Variants in SCN10A observed in about 807,000 individuals in gnomAD.
The protein encoded by SCN10A is sodium voltage-gated channel alpha subunit 10.
SCN10A carries 162 observed loss-of-function variants against 170.7 expected under a neutral mutation model. The ratio of observed to expected loss-of-function variants is 0.95; its 90% confidence interval spans 0.84 to 1.08. The LOEUF is 1.08. Ranked by LOEUF, SCN10A falls within the 50% of genes least tolerant of loss-of-function variation. The probability of loss-of-function intolerance (pLI) is 0.00; values close to 1 mark genes in which losing one functional copy is unlikely to be tolerated. For synonymous variants in SCN10A, 985 were observed against 904.6 expected, an observed-to-expected ratio of 1.09 and a Z score of -1.59; for missense variants, 2,527 against 2,436.9, an observed-to-expected ratio of 1.04 and a Z score of -0.78.
chr3:38,714,196 C>T, intron 21 of SCN10A, 116 bp from the exon 22 acceptor site: 1 of 1,239,402 alleles, frequency 8.1e-7, no homozygotes. Context: ...AGCCATCATC[C>T]TAGCTCCCAC....
chr3:38,813,611 TG>T (rs1559474524), intron 1 of SCN10A, among the ~76,000 whole-genome samples: 1 of 152,190 alleles, frequency 6.6e-6, no homozygotes, highest in Admixed American at 6.5e-5. Context: ...TCTTAGCCAC[TG>T]TACTCTATAA....
At chr3:38,768,129 C>T (rs1170095588) in intron 5 of SCN10A, among the ~76,000 whole-genome samples, 2 of 151,692 alleles carry the variant, frequency 1.3e-5, no homozygotes, top group African/African-American at 2.4e-5. Context: ...TTATGTGGCT[C>T]CTTATGTGTT....
chr3:38,719,463 G>A (rs1292705298), intron 20 of SCN10A, among the ~76,000 whole-genome samples: 2 of 135,278 alleles, frequency 1.5e-5, no homozygotes, highest in African/African-American at 2.8e-5. Context: ...GCGGGATCTC[G>A]GCTCACTGCA....
At chr3:38,748,470 G>A (rs2063715095) in intron 13 of SCN10A, among the ~76,000 whole-genome samples, 1 of 152,172 alleles carries the variant, frequency 6.6e-6, no homozygotes, top group Non-Finnish European at 1.5e-5. Flanking sequence ...TTAAGTCAAT[G>A]TTGGGTACTA....
At chr3:38,804,823 A>G (rs2064395527) in intron 1 of SCN10A, among the ~76,000 whole-genome samples, 1 of 152,170 alleles carries the variant, frequency 6.6e-6, no homozygotes, top group South Asian at 2.1e-4. Flanking sequence ...GGCTGAAACC[A>G]GGAGGGTTGT....
At chr3:38,770,588 T>C (rs2063987047) in intron 5 of SCN10A, among the ~76,000 whole-genome samples, 2 of 152,112 alleles carry the variant, frequency 1.3e-5, no homozygotes, top group Non-Finnish European at 2.9e-5. Context: ...GAGGCTGGTC[T>C]TGCTCCTGCA....
chr3:38,792,294 TC>T (rs960307473), intron 2 of SCN10A, 126 bp from the exon 3 acceptor site: 20 of 1,168,902 alleles, frequency 1.7e-5, no homozygotes, highest in Non-Finnish European at 2.2e-5. Flanking sequence ...GAACTACAGG[TC>T]AATGAGAGTC....
chr3:38,796,024 A>T (rs2064339886), intron 1 of SCN10A, among the ~76,000 whole-genome samples: 2 of 152,148 alleles, frequency 1.3e-5, no homozygotes, highest in African/African-American at 4.8e-5. Context: ...TCTCATTTAT[A>T]TGCAGATGAC....
chr3:38,701,733 A>G, intron 27 of SCN10A, 106 bp downstream of exon 27: 2 of 1,072,848 alleles, frequency 1.9e-6, no homozygotes, highest in South Asian at 3.2e-5. Context: ...TCTAACATAA[A>G]CACGTATTTC....
At chr3:38,809,181 G>A (rs1368853601) in intron 1 of SCN10A, among the ~76,000 whole-genome samples, 1 of 152,218 alleles carries the variant, frequency 6.6e-6, no homozygotes, top group Non-Finnish European at 1.5e-5. Context: ...TCAGGACTGG[G>A]TTGGATCACA....
intron 4 of SCN10A, among the ~76,000 whole-genome samples, chr3:38,784,049 G>A (rs2064169628): frequency 6.6e-6 from 1 of 152,040 alleles, no homozygotes; most frequent in African/African-American, 2.4e-5. Flanking sequence ...ACAAGTGGTT[G>A]TTCTGACATT....
At position 38,739,496 on chromosome 3, in the gene SCN10A, A is replaced by G; in HGVS notation, c.2280+19T>C. On this transcript the variant is annotated intron_variant, in intron 15 of 27. Coordinates refer to ENST00000449082, the MANE Select transcript of SCN10A (RefSeq NM_006514.4). ...ATCTGGGTGGGAGTTTCCCCAAGCC[A>G]TCAAGAGAAAAACATTACCAAGCGG... 1 of 1,609,450 alleles carries G rather than the reference A, an allele frequency of 6.2e-7. No individual in the cohort carries two copies. The highest frequency in any genetic ancestry group is 2.2e-5 in the East Asian group (1 of 44,818).
rs1274527484 is a variant in SCN10A at position 38,698,112 on chromosome 3, G to C, written c.5108C>G (p.Thr1703Ser). The C allele has an allele frequency of 1.2e-6, 2 of 1,614,120 alleles. No individual in the cohort carries two copies. Among genetic ancestry groups the C allele is most frequent in the South Asian group, 2.2e-5 (2 of 91,064 alleles). Residue 1703 changes from threonine (T) to serine (S), a missense_variant, in exon 28 of 28, where the codon ACC (threonine) becomes AGC (serine). Physicochemically the swap from Thr to Ser is moderately conservative, Grantham distance 58. Coordinates refer to ENST00000449082, the MANE Select transcript of SCN10A (RefSeq NM_006514.4). ...GSPAVGIIFF[T>S]TYIIISFLIM... ...GAGGAAGGAGATGATGATGTAGGTG[G>C]TGAAGAAGATGATGCCTACGGCTGG...
At chr3:38,728,504 C>G in intron 16 of SCN10A, 38 bp downstream of exon 16, 1 of 1,520,992 alleles carries the variant, frequency 6.6e-7, no homozygotes, top group East Asian at 2.3e-5. Flanking sequence ...TTCTCCTTTC[C>G]CCAGGAGACA....
intron 1 of SCN10A, among the ~76,000 whole-genome samples, chr3:38,813,407 G>C (rs572885769): frequency 1.3e-5 from 2 of 152,266 alleles, no homozygotes; most frequent in African/African-American, 4.8e-5. Flanking sequence ...CCGCGTCTCA[G>C]TTTCTTTATA....
chr3:38,750,178 C>G lies in SCN10A; in HGVS notation c.1762G>C (p.Asp588His). The change falls in exon 13 of 28, where the codon GAT (aspartate) becomes CAT (histidine). Residue 588 changes from aspartate (D) to histidine (H), a missense_variant. Asp to His is a moderately conservative substitution (Grantham distance 81, BLOSUM62 -1). Coordinates refer to ENST00000449082, the MANE Select transcript of SCN10A (RefSeq NM_006514.4). ...AAGAAAGTCTTCTTTTGTCCTGCAT[C>G]GAATGCCTGTTGAGACACAAACAGA... ...APGAVDVSAF[D>H]AGQKKTFLSA... 1 of 1,604,654 alleles carries G rather than the reference C, an allele frequency of 6.2e-7. No individual in the cohort carries two copies. The highest frequency in any genetic ancestry group is 2.2e-5 in the East Asian group (1 of 44,832).
intron 27 of SCN10A, 97 bp from the exon 28 acceptor site, chr3:38,698,659 G>A (rs2063124851): frequency 8.7e-7 from 1 of 1,154,690 alleles, no homozygotes; most frequent in African/African-American, 1.5e-5. Flanking sequence ...GGTATAGACT[G>A]CCACTTGGGC....
chr3:38,709,660 G>A (rs71323673), intron 24 of SCN10A, 45 bp from the exon 25 acceptor site: 4 of 1,513,170 alleles, frequency 2.6e-6, no homozygotes, highest in Non-Finnish European at 3.5e-6. Flanking sequence ...GGGTGTCTTA[G>A]TTCAGGTTCA....
chr3:38,727,428 C>T (rs1403697143), intron 16 of SCN10A, among the ~76,000 whole-genome samples: 1 of 152,196 alleles, frequency 6.6e-6, no homozygotes, highest in Non-Finnish European at 1.5e-5. Context: ...CTTGCTGCTT[C>T]CAGTTCTTCA....
Sources: gnomAD v4.1 joint callset for allele counts (sites outside exome capture counted in the v4.1 genomes callset) on GRCh38, gnomAD v4.1.1 for gene constraint, MANE v1.5 for transcripts, NCBI Gene and HGNC (gene_info 2026-07-23, HGNC 2026-07-21) for gene names.